Variants in RNF4 observed in about 807,000 individuals in gnomAD.
RNF4 encodes the protein ring finger protein 4, also known as E3 ubiquitin-protein ligase RNF4.
In RNF4, 7 loss-of-function variants were observed where a neutral mutation model predicts 24.3. That is an observed-to-expected ratio of 0.29 (90% confidence interval 0.16 to 0.54). RNF4 has a LOEUF of 0.54. RNF4 is among the 20% of genes least tolerant of loss of function. The probability of loss-of-function intolerance (pLI) is 0.95; values close to 1 mark genes in which losing one functional copy is unlikely to be tolerated. For synonymous variants in RNF4, 83 were observed against 84.3 expected (o/e 0.98, Z 0.09); for missense variants, 209 against 248.5 (o/e 0.84, Z 1.07).
At chr4:2,500,838 C>T in intron 4 of RNF4, 100 bp downstream of exon 4, 1 of 1,077,040 alleles carries the variant, frequency 9.3e-7, no homozygotes. Flanking sequence ...GTCAAGGTTA[C>T]AGCTTATGCT....
chr4:2,474,743 G>C (rs2108748641), intron 1 of RNF4, among the ~76,000 whole-genome samples: 1 of 152,260 alleles, frequency 6.6e-6, no homozygotes, highest in East Asian at 1.9e-4. Context: ...TGTCACAGTT[G>C]GCCCAGTGCG....
chr4:2,493,798 G>A (rs1735651471), intron 2 of RNF4, among the ~76,000 whole-genome samples: 2 of 150,478 alleles, frequency 1.3e-5, no homozygotes, highest in South Asian at 4.2e-4. Flanking sequence ...CCTATACGAG[G>A]ACAAAGGACA....
chr4:2,504,627 T>C (rs1185363485), intron 4 of RNF4, among the ~76,000 whole-genome samples: 2 of 151,486 alleles, frequency 1.3e-5, no homozygotes, highest in Non-Finnish European at 2.9e-5. Context: ...CTTGGCTCAC[T>C]GTAAGCTCTG....
intron 4 of RNF4, among the ~76,000 whole-genome samples, chr4:2,508,538 G>T (rs1479337183): frequency 6.6e-6 from 1 of 152,160 alleles, no homozygotes; most frequent in African/African-American, 2.4e-5. Context: ...CAGCTGAGAG[G>T]CCAGGCTGTG....
intron 4 of RNF4, among the ~76,000 whole-genome samples, chr4:2,507,834 G>A (rs1277430162): frequency 6.6e-6 from 1 of 152,070 alleles, no homozygotes; most frequent in Non-Finnish European, 1.5e-5. Context: ...ATGTATGAGT[G>A]AGTGAATCTT....
In RNF4 at chr4:2,512,490, C is replaced by T. The variant is rs1560415333; in HGVS notation, c.267C>T (p.Asp89=). ...GGAGGCTGCCCCAGGACCATGCTGA[C>T]AGCTGTGTGGTGAGCAGTGACGATG... is the stretch of plus-strand genomic sequence containing the variant. ...NARRLPQDHA[D]SCVVSSDDEE... The change falls in exon 6 of 8, where the codon GAC becomes GAT. Residue 89 remains aspartate (D), a synonymous_variant. Transcript: ENST00000314289. This position sits in a 1 kb window ranked among gnomAD's most constrained non-coding sequence, Gnocchi z 4.1. 3 of 1,613,742 alleles carry T rather than the reference C, an allele frequency of 1.9e-6. No individual in the cohort carries two copies. The Admixed American group carries it at 5.0e-5, about 27-fold the overall frequency.
chr4:2,480,123 T>G (rs909957103), intron 1 of RNF4: 1 of 151,850 alleles, frequency 6.6e-6, no homozygotes, highest in Admixed American at 6.6e-5. Flanking sequence ...GGTATTAATA[T>G]TTTGTAGAGA....
intron 4 of RNF4, among the ~76,000 whole-genome samples, chr4:2,508,315 C>G (rs1356265980): frequency 6.6e-6 from 1 of 152,214 alleles, no homozygotes; most frequent in Non-Finnish European, 1.5e-5. Context: ...CTCTATCCAT[C>G]TCTCAACTCA....
At chr4:2,482,613 G>A (rs1735276561) in intron 1 of RNF4, among the ~76,000 whole-genome samples, 1 of 152,198 alleles carries the variant, frequency 6.6e-6, no homozygotes, top group African/African-American at 2.4e-5. Flanking sequence ...CTCCTTTCAG[G>A]CCCCTGGGGA....
Position 2,512,714 on chromosome 4 carries a change from AC to A in RNF4, c.374+120del. 1.7e-6 allele frequency: 2 copies of A among 1,194,888 alleles called. No homozygotes were observed. The highest frequency in any genetic ancestry group is 2.3e-6 in the Non-Finnish European group (2 of 862,678). 74.0% of individuals were successfully genotyped at this position (1,194,888 alleles called of 1,614,324 possible). A position where few individuals can be genotyped will look rare whatever the true frequency, so the allele number is the denominator to read the frequency against. ...CCTGGAAGGGCTTGCCCAAGCCTCT[AC>A]CCAGCATCTGGATACAGTTGGAACT... is the stretch of plus-strand genomic sequence containing the variant. On this transcript the variant is annotated intron_variant, in intron 6 of 7. Coordinates refer to ENST00000314289, the MANE Select transcript of RNF4 (RefSeq NM_002938.5). This position sits in a 1 kb window ranked among gnomAD's most constrained non-coding sequence, Gnocchi z 4.1.
chr4:2,511,854 C>T, intron 4 of RNF4, 102 bp from the exon 5 acceptor site: 1 of 1,208,722 alleles, frequency 8.3e-7, no homozygotes, highest in Non-Finnish European at 1.2e-6. Context: ...CAGAGGGTTC[C>T]ACAGAGGGTG....
intron 4 of RNF4, among the ~76,000 whole-genome samples, chr4:2,510,831 A>G (rs2108779103): frequency 6.6e-6 from 1 of 152,284 alleles, no homozygotes; most frequent in South Asian, 2.1e-4. Context: ...AGGTGGGAGG[A>G]ACCACGTTTG....
intron 1 of RNF4, among the ~76,000 whole-genome samples, chr4:2,487,314 C>T (rs1735439371): frequency 6.6e-6 from 1 of 151,986 alleles, no homozygotes; most frequent in African/African-American, 2.4e-5. Flanking sequence ...GAGACAGAGT[C>T]TCTCTCTGTT....
At position 2,513,676 on chromosome 4, in the gene RNF4, C is replaced by A. The variant is rs1736332317; in HGVS notation, c.430C>A (p.Gln144Lys). Residue 144 changes from glutamine (Q) to lysine (K), a missense_variant, in exon 8 of 8, where the codon CAG (glutamine) becomes AAG (lysine). Physicochemically the swap from Gln to Lys is moderately conservative, Grantham distance 53. Transcript: ENST00000314289. ...ICMDGYSEIV[Q>K]NGRLIVSTEC... Reference sequence around the variant, plus strand: ...TCTTTTTAATGCCTTCTAGATCGTGCAGAATGGACGTCTCATCGTTTCCAC... The same window carrying A: ...TCTTTTTAATGCCTTCTAGATCGTGAAGAATGGACGTCTCATCGTTTCCAC... 6.2e-7 allele frequency: 1 copy of A among 1,613,842 alleles called. No individual in the cohort carries two copies. The highest frequency in any genetic ancestry group is 8.5e-7 in the Non-Finnish European group (1 of 1,179,892).
At chr4:2,479,554 G>A (rs369967508) in intron 1 of RNF4, among the ~76,000 whole-genome samples, 8 of 152,240 alleles carry the variant, frequency 5.3e-5, no homozygotes, top group East Asian at 1.9e-4. Flanking sequence ...GGGAGTTTCC[G>A]TGCACAAGCT....
intron 1 of RNF4, among the ~76,000 whole-genome samples, chr4:2,478,161 T>C (rs1735137011): frequency 6.6e-6 from 1 of 152,140 alleles, no homozygotes; most frequent in African/African-American, 2.4e-5. Flanking sequence ...AAAGATGATT[T>C]AGGGTATCTG....
chr4:2,478,834 G>GCAC, intron 1 of RNF4, among the ~76,000 whole-genome samples: 1 of 152,344 alleles, frequency 6.6e-6, no homozygotes, highest in East Asian at 1.9e-4. Flanking sequence ...CCCTACTGGA[G>GCAC]CACCACCTGG....
At chr4:2,503,084 C>T (rs1735965736) in intron 4 of RNF4, among the ~76,000 whole-genome samples, 1 of 152,036 alleles carries the variant, frequency 6.6e-6, no homozygotes, top group African/African-American at 2.4e-5. Context: ...CTGTGATGCC[C>T]AGGCTGGTCT....
Position 2,512,428 on chromosome 4 carries a change from C to G in RNF4, c.215-10C>G. 1 of 1,602,802 alleles carries G rather than the reference C, an allele frequency of 6.2e-7. No homozygotes were observed. The highest frequency in any genetic ancestry group is 8.5e-7 in the Non-Finnish European group (1 of 1,174,772). The stretch of plus-strand genomic sequence containing the variant: ...AGCCTCCAACCTGAAAATGTGACCT[C>G]TTACCTTAGAAAGAAGAAGACCAAG... On this transcript the variant is annotated splice_polypyrimidine_tract_variant and intron_variant, in intron 5 of 7. Coordinates refer to ENST00000314289, the MANE Select transcript of RNF4 (RefSeq NM_002938.5). The surrounding 1 kb of genome is among the most constrained non-coding windows in gnomAD (Gnocchi z 4.1).
Sources: allele counts gnomAD v4.1 joint callset (sites outside exome capture counted in the v4.1 genomes callset), GRCh38; gene constraint gnomAD v4.1.1; non-coding constraint Gnocchi (gnomAD v3.1); transcripts MANE v1.5; gene names NCBI Gene and HGNC (gene_info 2026-07-23, HGNC 2026-07-21).